Variants in CDH23 observed in about 807,000 individuals in gnomAD.
CDH23 encodes cadherin-23.
CDH23 carries 189 observed loss-of-function variants against 317.1 expected under a neutral mutation model. The ratio of observed to expected loss-of-function variants is 0.60; its 90% CI spans 0.53 to 0.67. The LOEUF (loss-of-function observed/expected upper bound fraction) is 0.67. CDH23 is among the 30% of genes least tolerant of loss of function. CDH23 has a pLI of 0.00. For synonymous variants in CDH23, 1,839 were observed against 1,876.8 expected, an observed-to-expected ratio of 0.98 and a Z score of 0.52; for missense variants, 4,401 against 4,592.4, an observed-to-expected ratio of 0.96 and a Z score of 1.20.
At position 71,767,812 on chromosome 10, in the gene CDH23, G is replaced by T. The variant is rs185802177; in HGVS notation, c.4846-9868G>T. Among the ~76,000 whole-genome samples, 214 of 152,342 alleles carry T rather than the reference G, an allele frequency of 1.4e-3. 3 individuals are homozygous for T. The highest frequency in any genetic ancestry group is 4.8e-3 in the African/African-American group (201 of 41,584). ...AGTGTCCATTCACATCAGACCAAGGGGGCTGGGAAGGGGAAGCCAGGCTCT... is the reference window on the plus strand; with the variant it reads ...AGTGTCCATTCACATCAGACCAAGGTGGCTGGGAAGGGGAAGCCAGGCTCT... On this transcript the variant is annotated intron_variant, in intron 38 of 69. Coordinates refer to ENST00000224721, the MANE Select transcript of CDH23 (RefSeq NM_022124.6).
chr10:71,715,894 G>A (rs1180507657), intron 28 of CDH23: 4 of 1,432,798 alleles, frequency 2.8e-6, no homozygotes, highest in Non-Finnish European at 3.7e-6. Context: ...GGATCTACAG[G>A]TAGACCTAGG....
intron 23 of CDH23, 140 bp downstream of exon 23, chr10:71,702,351 T>C (rs906725360): frequency 7.0e-6 from 8 of 1,141,118 alleles, no homozygotes; most frequent in East Asian, 2.4e-5. Context: ...CACGCCCCAG[T>C]TGTGACTCCT....
intron 11 of CDH23, among the ~76,000 whole-genome samples, chr10:71,635,963 G>T (rs1311069136): frequency 1.3e-5 from 2 of 151,934 alleles, no homozygotes; most frequent in African/African-American, 2.4e-5. Flanking sequence ...TTTTATAAGG[G>T]CACTAATCCC....
chr10:71,469,496 T>C (rs1273153125), intron 3 of CDH23, among the ~76,000 whole-genome samples: 2 of 152,280 alleles, frequency 1.3e-5, no homozygotes, highest in African/African-American at 2.4e-5. Flanking sequence ...CGTTGAGTTA[T>C]ATTCCATTGT....
rs1033089409 is a variant in CDH23 at position 71,677,638 on chromosome 10, A to G, written c.1697A>G (p.Tyr566Cys). ...DNVPTFQKDAYVGALRENEPS... is the reference protein window; with the variant it reads ...DNVPTFQKDACVGALRENEPS... ...GTGCCCACCTTCCAGAAGGATGCCT[A>G]CGTGGGTGCTCTGCGGGAGAACGAG... The change falls in exon 16 of 70, where the codon TAC becomes TGC. Residue 566 changes from tyrosine (Y) to cysteine (C), a missense_variant. By Grantham distance (194) the Tyr-to-Cys change is radical (BLOSUM62 -2). Coordinates refer to ENST00000224721, the MANE Select transcript of CDH23 (RefSeq NM_022124.6). The G allele has an allele frequency of 2.8e-5, 45 of 1,592,230 alleles. No homozygotes were observed. The highest frequency in any genetic ancestry group is 3.3e-5 in the Non-Finnish European group (39 of 1,169,758).
chr10:71,658,469 TG>T (rs1281769993), intron 14 of CDH23, among the ~76,000 whole-genome samples: 1 of 152,266 alleles, frequency 6.6e-6, no homozygotes, highest in Non-Finnish European at 1.5e-5. Flanking sequence ...AAGGCCTCAC[TG>T]CCTGTCCCGC....
rs748499845 is a variant in CDH23 at position 71,784,351 on chromosome 10, G to A, written c.5433G>A (p.Arg1811=). 1.2e-6 allele frequency: 2 copies of A among 1,613,938 alleles called. No individual in the cohort carries two copies. The highest frequency in any genetic ancestry group is 2.2e-5 in the South Asian group (2 of 91,084). Residue 1811 remains arginine (R), a synonymous_variant, in exon 42 of 70, where the codon CGG becomes CGA. Coordinates refer to ENST00000224721, the MANE Select transcript of CDH23 (RefSeq NM_022124.6). ...TCCGGAAGGACGTGGAGCTGGACCGGGAGACCATCGCCTTCTACAACCTGA... is the reference window on the plus strand; with the variant it reads ...TCCGGAAGGACGTGGAGCTGGACCGAGAGACCATCGCCTTCTACAACCTGA... ...LRVRKDVELD[R]ETIAFYNLTI...
At chr10:71,737,624 G>A (rs1564767394) in intron 34 of CDH23, 3 of 460,106 alleles carry the variant, frequency 6.5e-6, no homozygotes, top group Admixed American at 2.4e-5. Context: ...CAGAGAATGG[G>A]GTCTGGCCTG....
intron 6 of CDH23, among the ~76,000 whole-genome samples, chr10:71,561,634 C>T (rs1268131783): frequency 6.6e-6 from 1 of 152,150 alleles, no homozygotes; most frequent in Non-Finnish European, 1.5e-5. Flanking sequence ...GCAGGTCCAT[C>T]AGAAGTGATA....
At chr10:71,511,874 G>A (rs116006337) in intron 6 of CDH23, 3,235 of 154,648 alleles carry the variant, frequency 0.021, 99 homozygotes, top group African/African-American at 0.066. Context: ...CAGTCTTATG[G>A]TCTGGCAGTT....
chr10:71,657,135 T>A (rs1016583684), intron 14 of CDH23, among the ~76,000 whole-genome samples: 6 of 152,194 alleles, frequency 3.9e-5, no homozygotes, highest in African/African-American at 1.4e-4. Context: ...TCCGCCTGAC[T>A]GACCAGGTGG....
rs746121407 is a variant in CDH23 at position 71,807,995 on chromosome 10, G to C, written c.8710G>C (p.Val2904Leu). 3.3e-5 allele frequency: 52 copies of C among 1,588,472 alleles called. No individual in the cohort carries two copies. Among genetic ancestry groups the C allele is most frequent in the Non-Finnish European group, 4.5e-5 (52 of 1,166,976 alleles). The change falls in exon 60 of 70, where the codon GTC (valine) becomes CTC (leucine). Residue 2904 changes from valine (V) to leucine (L), a missense_variant. Val to Leu is a conservative substitution (Grantham distance 32). Coordinates refer to ENST00000224721, the MANE Select transcript of CDH23 (RefSeq NM_022124.6). ...CAACGACTCTGAAGATGTGGGCCAG[G>C]TCTTCACCATGGGTAGGGCCTGGCA... ...LANDSEDVGQ[V>L]FTMGSMDGIL...
chr10:71,764,417 C>G (rs1271783393), intron 38 of CDH23, among the ~76,000 whole-genome samples: 1 of 152,126 alleles, frequency 6.6e-6, no homozygotes, highest in East Asian at 1.9e-4. Context: ...AAAAAAAGGC[C>G]AGAAACTGGG....
intron 28 of CDH23, among the ~76,000 whole-genome samples, chr10:71,722,514 A>G (rs1025949834): frequency 6.6e-6 from 1 of 152,022 alleles, no homozygotes; most frequent in Non-Finnish European, 1.5e-5. Context: ...CACATATTTG[A>G]CCCTACTGTG....
intron 12 of CDH23, among the ~76,000 whole-genome samples, chr10:71,645,225 G>A (rs551537466): frequency 1.3e-5 from 2 of 152,328 alleles, no homozygotes; most frequent in Admixed American, 1.3e-4. Flanking sequence ...GCTCAGTCTG[G>A]GATCCTGGGC....
At chr10:71,520,047 G>A (rs1854577608) in intron 6 of CDH23, among the ~76,000 whole-genome samples, 1 of 152,352 alleles carries the variant, frequency 6.6e-6, no homozygotes. Flanking sequence ...GGTCCAGGCA[G>A]CCTGCCTGCT....
At chr10:71,400,789 A>ACTCCAT (rs1847743917) in intron 1 of CDH23, among the ~76,000 whole-genome samples, 2 of 152,106 alleles carry the variant, frequency 1.3e-5, no homozygotes, top group Non-Finnish European at 2.9e-5. Flanking sequence ...ACAGAGTGAG[A>ACTCCAT]CTCCATCTCA....
At chr10:71,528,734 TC>T (rs1431625828) in intron 6 of CDH23, among the ~76,000 whole-genome samples, 1 of 152,206 alleles carries the variant, frequency 6.6e-6, no homozygotes, top group African/African-American at 2.4e-5. Flanking sequence ...AGAACCCTGT[TC>T]CCCACCCTGG....
rs144645550 is a variant in CDH23 at position 71,704,171 on chromosome 10, C to T, written c.2734-740C>T. On this transcript the variant is annotated intron_variant, in intron 24 of 69. Coordinates refer to ENST00000224721, the MANE Select transcript of CDH23 (RefSeq NM_022124.6). Reference sequence around the variant, plus strand: ...TTTGCTGGATGTGAAATAGATCAGACGACCTTGATATTGTCTCCCAATCCT... The same window carrying T: ...TTTGCTGGATGTGAAATAGATCAGATGACCTTGATATTGTCTCCCAATCCT... Among the ~76,000 whole-genome samples, 41 of 152,324 alleles carry T rather than the reference C, an allele frequency of 2.7e-4. No individual in the cohort carries two copies. In the East Asian group the frequency reaches 5.6e-3, roughly 21 times the overall value.
Sources: allele counts gnomAD v4.1 joint callset (sites outside exome capture counted in the v4.1 genomes callset), GRCh38; gene constraint gnomAD v4.1.1; transcripts MANE v1.5; gene names NCBI Gene and HGNC (gene_info 2026-07-23, HGNC 2026-07-21).